ATAD1: variants seen among roughly 807,000 people sequenced by gnomAD.
The protein encoded by ATAD1 is ATPase family AAA domain containing 1, also known as outer mitochondrial transmembrane helix translocase.
A neutral mutation model predicts 42.7 loss-of-function variants in ATAD1; 18 were observed. The observed-to-expected ratio is 0.42, with a 90% CI of 0.29 to 0.63. ATAD1 has a LOEUF of 0.63. ATAD1 is among the 20% of genes least tolerant of loss of function. The pLI is 0.19. For synonymous variants in ATAD1, 132 were observed against 143.1 expected (o/e 0.92, Z 0.55); for missense variants, 294 against 440.4 (o/e 0.67, Z 2.98).
intron 1 of ATAD1, among the ~76,000 whole-genome samples, chr10:87,826,784 T>A (rs914126637): frequency 1.3e-5 from 2 of 152,096 alleles, no homozygotes; most frequent in African/African-American, 4.8e-5. Flanking sequence ...GGTGAAAGAG[T>A]TTAAATGAAT....
chr10:87,778,093 T>C (rs1401679971), intron 5 of ATAD1, among the ~76,000 whole-genome samples: 1 of 150,564 alleles, frequency 6.6e-6, no homozygotes, highest in African/African-American at 2.5e-5. Context: ...GAAAAAATGC[T>C]AGATATGTAT....
intron 6 of ATAD1, among the ~76,000 whole-genome samples, chr10:87,772,660 T>C (rs1855104330): frequency 6.6e-6 from 1 of 151,996 alleles, no homozygotes; most frequent in South Asian, 2.1e-4. Context: ...GTATAGAGGA[T>C]GGAATACTAA....
chr10:87,826,006 A>G (rs1177854572), intron 1 of ATAD1, among the ~76,000 whole-genome samples: 1 of 152,232 alleles, frequency 6.6e-6, no homozygotes, highest in African/African-American at 2.4e-5. Flanking sequence ...GCCAGGGCAA[A>G]GCTGGCTGAT....
chr10:87,790,244 A>G (rs950481112), intron 4 of ATAD1, 66 bp downstream of exon 4: 67 of 1,567,024 alleles, frequency 4.3e-5, no homozygotes, highest in Non-Finnish European at 5.6e-5. Context: ...TAGTTCTACA[A>G]TGGCAGAAAG....
chr10:87,758,341 A>C (rs1564737864), intron 8 of ATAD1, among the ~76,000 whole-genome samples: 1 of 152,160 alleles, frequency 6.6e-6, no homozygotes, highest in Non-Finnish European at 1.5e-5. Context: ...CAATAGAGGA[A>C]GGGAGAAAAA....
chr10:87,819,010 C>G (rs186546610), upstream of ATAD1: 29 of 152,212 alleles, frequency 1.9e-4, no homozygotes, highest in African/African-American at 6.0e-4. Context: ...TCCTGAGATA[C>G]GAGAAGCATC....
chr10:87,837,474 C>T (rs1464859891), intron 1 of ATAD1, among the ~76,000 whole-genome samples: 1 of 152,142 alleles, frequency 6.6e-6, no homozygotes, highest in African/African-American at 2.4e-5. Context: ...GGTAGACTCT[C>T]CTTTAGTTCA....
chr10:87,760,404 T>G (rs1854429392), intron 8 of ATAD1, among the ~76,000 whole-genome samples: 1 of 152,200 alleles, frequency 6.6e-6, no homozygotes, highest in African/African-American at 2.4e-5. Flanking sequence ...TAAGACATGC[T>G]TGCTTCCCCT....
chr10:87,790,167 G>A (rs1272483704), intron 4 of ATAD1, 143 bp downstream of exon 4: 2 of 856,166 alleles, frequency 2.3e-6, no homozygotes, highest in Non-Finnish European at 1.7e-6. Flanking sequence ...TGAAGAATGA[G>A]CAATTATTTT....
chr10:87,814,393 C>A, intron 2 of ATAD1, 45 bp downstream of exon 2: 1 of 1,508,282 alleles, frequency 6.6e-7, no homozygotes. Flanking sequence ...GGGGAAAATA[C>A]TTGTTAGCCA....
At chr10:87,799,132 A>T (rs1856557203) in intron 2 of ATAD1, among the ~76,000 whole-genome samples, 1 of 152,230 alleles carries the variant, frequency 6.6e-6, no homozygotes, top group African/African-American at 2.4e-5. Flanking sequence ...CTAGCTTTAA[A>T]ATTACTGGCA....
chr10:87,809,460 T>C (rs1338541427), intron 2 of ATAD1, among the ~76,000 whole-genome samples: 3 of 151,860 alleles, frequency 2.0e-5, no homozygotes, highest in African/African-American at 7.3e-5. Flanking sequence ...CTGTCTCAGG[T>C]TGGCAGAGGT....
chr10:87,826,603 G>T (rs898364908), intron 1 of ATAD1, among the ~76,000 whole-genome samples: 1 of 152,168 alleles, frequency 6.6e-6, no homozygotes, highest in African/African-American at 2.4e-5. Context: ...TGAACCTCTG[G>T]CTGGACCGTG....
chr10:87,762,212 G>A (rs944933381), intron 8 of ATAD1, among the ~76,000 whole-genome samples: 24 of 152,126 alleles, frequency 1.6e-4, no homozygotes, highest in Non-Finnish European at 2.4e-4. Context: ...TTTCAAAAAT[G>A]TTATAAACTT....
chr10:87,773,699 AC>A (rs1855158212), intron 6 of ATAD1, among the ~76,000 whole-genome samples: 1 of 152,230 alleles, frequency 6.6e-6, no homozygotes, highest in Non-Finnish European at 1.5e-5. Flanking sequence ...GTTATGCTGT[AC>A]CAGAATCATA....
intron 2 of ATAD1, among the ~76,000 whole-genome samples, chr10:87,802,372 A>C (rs1260860288): frequency 6.6e-6 from 1 of 152,178 alleles, no homozygotes; most frequent in African/African-American, 2.4e-5. Context: ...AGGAGCCCCA[A>C]GTTTATCTTG....
In ATAD1 at chr10:87,771,026, C is replaced by T; in HGVS notation, c.706G>A (p.Ala236Thr). The T allele has an allele frequency of 6.2e-7, 1 of 1,612,928 alleles. No individual in the cohort carries two copies. Among genetic ancestry groups the T allele is most frequent in the Non-Finnish European group, 8.5e-7 (1 of 1,179,284 alleles). ...TCAAGGTCCTGAGGACGATTGGTAG[C>T]TCCCATTACTATGACCTAAGTGTAT... ...DHSCQVIVMG[A>T]TNRPQDLDSA... is the part of the protein sequence containing the mutation. Residue 236 changes from alanine to threonine, a missense_variant, in exon 7 of 10, where the codon GCT becomes ACT. This residue lies in a region of ATAD1 where 142 missense variants were observed against 174.6 expected (regional missense o/e 0.81). Coordinates refer to ENST00000680024, the MANE Select transcript of ATAD1 (RefSeq NM_001321967.2).
chr10:87,753,709 T>C lies in ATAD1; in HGVS notation c.*978A>G, dbSNP rs1294909599. Reference sequence around the variant, plus strand: ...AGTAACAGCTACTTGTTTTAAACTATTATTTCATTTTTGGTGACCAAATTA... The same window carrying C: ...AGTAACAGCTACTTGTTTTAAACTACTATTTCATTTTTGGTGACCAAATTA... On this transcript the variant is annotated 3_prime_UTR_variant, in exon 10 of 10. Transcript: ENST00000680024. 6.6e-6 allele frequency: 1 copy of C among 152,606 alleles called. No homozygotes were observed. Among genetic ancestry groups the C allele is most frequent in the Non-Finnish European group, 1.5e-5 (1 of 68,014 alleles). The allele number at this position is 152,606 out of a possible 1,614,324, so 9.5% of individuals were successfully genotyped here.
chr10:87,784,574 G>C lies in ATAD1; in HGVS notation c.479C>G (p.Ser160Trp). Residue 160 changes from serine (S) to tryptophan (W), a missense_variant, in exon 5 of 10, where the codon TCG becomes TGG. Coordinates refer to ENST00000680024, the MANE Select transcript of ATAD1 (RefSeq NM_001321967.2). ...TCCATACCACTTATCGGTCAGTGTC[G>C]AAGGCTGAAGGTTAATAAATCGACA... ...AGCRFINLQP[S>W]TLTDKWYGES... The C allele has an allele frequency of 6.2e-7, 1 of 1,613,618 alleles. No homozygotes were observed. Among genetic ancestry groups the C allele is most frequent in the Non-Finnish European group, 8.5e-7 (1 of 1,179,922 alleles).
Sources: allele counts gnomAD v4.1 joint callset (sites outside exome capture counted in the v4.1 genomes callset), GRCh38; gene constraint gnomAD v4.1.1; regional missense constraint gnomAD v4.1.1; transcripts MANE v1.5; gene names NCBI Gene and HGNC (gene_info 2026-07-23, HGNC 2026-07-21).